Variants in SPTLC3 observed in about 807,000 individuals in gnomAD.
The protein encoded by SPTLC3 is serine palmitoyltransferase 3.
SPTLC3 carries 36 observed loss-of-function variants against 59.3 expected under a neutral mutation model. The ratio of observed to expected loss-of-function variants is 0.61; its 90% CI spans 0.47 to 0.80. The LOEUF (loss-of-function observed/expected upper bound fraction) is 0.80, where lower values mean the gene tolerates loss of function less well. SPTLC3 is among the 30% of genes least tolerant of loss of function. The pLI is 0.00. For synonymous variants in SPTLC3, 257 were observed against 240.8 expected (o/e 1.07, Z -0.62); for missense variants, 625 against 685.1 (o/e 0.91, Z 0.98).
At chr20:13,046,063 T>G (rs983740087) in intron 1 of SPTLC3, among the ~76,000 whole-genome samples, 1 of 152,232 alleles carries the variant, frequency 6.6e-6, no homozygotes, top group African/African-American at 2.4e-5. Context: ...CCAAAGGGGT[T>G]AATTTGCAAG....
At position 13,033,476 on chromosome 20, in the gene SPTLC3, G is replaced by C. The variant is rs150511876; in HGVS notation, c.118-15469G>C. On this transcript the variant is annotated intron_variant, in intron 1 of 11. Coordinates refer to ENST00000399002, the MANE Select transcript of SPTLC3 (RefSeq NM_018327.4). ...AACATTCAGATGGCAACAGTGAAGAGAGGCTTTTATGAGCTAGTCATAGAA... is the reference window on the plus strand; with the variant it reads ...AACATTCAGATGGCAACAGTGAAGACAGGCTTTTATGAGCTAGTCATAGAA... Among the ~76,000 whole-genome samples the C allele has an allele frequency of 3.3e-3, 500 of 152,266 alleles. 3 individuals carry two copies. The highest frequency in any genetic ancestry group is 0.011 in the African/African-American group (473 of 41,566).
At chr20:13,060,797 G>C (rs1197876436) in intron 2 of SPTLC3, among the ~76,000 whole-genome samples, 1 of 146,586 alleles carries the variant, frequency 6.8e-6, no homozygotes, top group Non-Finnish European at 1.5e-5. Context: ...TCTTTTTTGT[G>C]GCTGAATGGT....
chr20:13,036,876 T>G (rs929814293), intron 1 of SPTLC3, among the ~76,000 whole-genome samples: 4 of 152,162 alleles, frequency 2.6e-5, no homozygotes, highest in African/African-American at 9.7e-5. Context: ...GATGGATCCT[T>G]TCCACTGCAA....
At chr20:13,161,499 C>T (rs2038895461) in intron 11 of SPTLC3, among the ~76,000 whole-genome samples, 1 of 152,100 alleles carries the variant, frequency 6.6e-6, no homozygotes. Context: ...CTGGGGAGTG[C>T]CTACATTCCA....
At chr20:13,143,548 T>C (rs1027902463) in intron 9 of SPTLC3, among the ~76,000 whole-genome samples, 5 of 152,134 alleles carry the variant, frequency 3.3e-5, no homozygotes, top group Admixed American at 2.0e-4. Flanking sequence ...ACCCAGCAAA[T>C]TGGCTTCATA....
chr20:13,164,609 C>T (rs1371533125), intron 11 of SPTLC3, 145 bp from the exon 12 acceptor site: 27 of 646,854 alleles, frequency 4.2e-5, no homozygotes, highest in East Asian at 2.2e-4. Flanking sequence ...CCTAATGGTA[C>T]GGATCTTGCT....
chr20:13,142,564 G>C (rs570970067), intron 9 of SPTLC3, among the ~76,000 whole-genome samples: 1 of 152,146 alleles, frequency 6.6e-6, no homozygotes, highest in Non-Finnish European at 1.5e-5. Flanking sequence ...GATTGTATTT[G>C]CTTTCTATTT....
intron 2 of SPTLC3, among the ~76,000 whole-genome samples, chr20:13,069,689 T>C (rs940278601): frequency 3.9e-5 from 6 of 152,142 alleles, no homozygotes; most frequent in Non-Finnish European, 8.8e-5. Context: ...AGCCCAGGGC[T>C]TGGGGACCCC....
At position 13,023,265 on chromosome 20, in the gene SPTLC3, G is replaced by GCACA. The variant is rs34054687; in HGVS notation, c.117+13900_117+13903dup. ...AGCATTTAAAAACATCTGCACATGT[G>GCACA]CACACACACACACACACACACAGAG... is the stretch of plus-strand genomic sequence containing the variant. On this transcript the variant is annotated intron_variant, in intron 1 of 11. Transcript: ENST00000399002. 1.9e-3 allele frequency among the ~76,000 whole-genome samples: 279 copies of GCACA among 145,146 alleles called. 1 individual carries two copies. The highest frequency in any genetic ancestry group is 4.2e-3 in the Admixed American group (60 of 14,268).
At position 13,127,707 on chromosome 20, in the gene SPTLC3, C is replaced by A. The variant is rs144205697; in HGVS notation, c.1279+990C>A. ...GGGGCCCTTCTACTGAGCCCTAGTGCTCCCCAAGACACTTGTTTGAAAGAC... is the reference window on the plus strand; with the variant it reads ...GGGGCCCTTCTACTGAGCCCTAGTGATCCCCAAGACACTTGTTTGAAAGAC... On this transcript the variant is annotated intron_variant, in intron 9 of 11. Coordinates refer to ENST00000399002, the MANE Select transcript of SPTLC3 (RefSeq NM_018327.4). Among the ~76,000 whole-genome samples, 867 of 152,306 alleles carry A rather than the reference C, an allele frequency of 5.7e-3. 5 individuals carry two copies. Among genetic ancestry groups the A allele is most frequent in the Middle Eastern group, 0.034 (10 of 294 alleles).
At chr20:13,050,745 G>A (rs1039762157) in intron 2 of SPTLC3, 1 of 152,168 alleles carries the variant, frequency 6.6e-6, no homozygotes, top group East Asian at 1.9e-4. Context: ...AACCCTACAA[G>A]CTAAGACAGA....
At chr20:13,027,665 A>G (rs1026710694) in intron 1 of SPTLC3, among the ~76,000 whole-genome samples, 21 of 151,394 alleles carry the variant, frequency 1.4e-4, no homozygotes, top group African/African-American at 4.9e-4. Flanking sequence ...ACACACACAC[A>G]CACACACACA....
intron 8 of SPTLC3, among the ~76,000 whole-genome samples, chr20:13,126,369 C>T (rs1221863196): frequency 6.6e-6 from 1 of 152,194 alleles, no homozygotes; most frequent in African/African-American, 2.4e-5. Context: ...CCTGCAGCAT[C>T]CTGCTTTGCT....
chr20:13,134,085 C>A (rs2038187666), intron 9 of SPTLC3, among the ~76,000 whole-genome samples: 1 of 152,212 alleles, frequency 6.6e-6, no homozygotes. Flanking sequence ...AATGCTTAAA[C>A]TGTCACGGTC....
At chr20:13,100,864 C>T (rs1044559002) in intron 6 of SPTLC3, among the ~76,000 whole-genome samples, 10 of 152,146 alleles carry the variant, frequency 6.6e-5, no homozygotes, top group African/African-American at 2.4e-5. Flanking sequence ...AAAATGCAGA[C>T]CCAAGTCTGT....
intron 9 of SPTLC3, among the ~76,000 whole-genome samples, chr20:13,145,039 T>C (rs1370424611): frequency 6.6e-6 from 1 of 152,062 alleles, no homozygotes; most frequent in African/African-American, 2.4e-5. Flanking sequence ...CCTCCCAAAG[T>C]GCTGGGATTA....
intron 6 of SPTLC3, among the ~76,000 whole-genome samples, chr20:13,104,022 A>G: frequency 6.6e-6 from 1 of 152,172 alleles, no homozygotes; most frequent in Non-Finnish European, 1.5e-5. Flanking sequence ...TGAATGTAAG[A>G]ACAGGCACAG....
intron 6 of SPTLC3, among the ~76,000 whole-genome samples, chr20:13,101,737 A>G (rs1312943755): frequency 6.6e-6 from 1 of 152,092 alleles, no homozygotes; most frequent in Non-Finnish European, 1.5e-5. Context: ...CACACGAGGT[A>G]CTTGGGGGCT....
At chr20:13,145,348 C>T (rs1159915086) in intron 9 of SPTLC3, among the ~76,000 whole-genome samples, 2 of 152,034 alleles carry the variant, frequency 1.3e-5, no homozygotes, top group Non-Finnish European at 2.9e-5. Flanking sequence ...CCAACAACAG[C>T]AAAACTGAGA....
Sources: gnomAD v4.1 joint callset for allele counts (sites outside exome capture counted in the v4.1 genomes callset) on GRCh38, gnomAD v4.1.1 for gene constraint, MANE v1.5 for transcripts, NCBI Gene and HGNC (gene_info 2026-07-23, HGNC 2026-07-21) for gene names.